USH2A: variants seen among roughly 807,000 people sequenced by gnomAD.
USH2A encodes the protein Usher syndrome 2A (autosomal recessive, mild).
A neutral mutation model predicts 538.9 loss-of-function variants in USH2A; 443 were observed. The observed-to-expected ratio is 0.82, with a 90% CI of 0.76 to 0.89. The LOEUF is 0.89. Among genes scored for constraint, USH2A ranks in the 40% least tolerant of loss-of-function variants. USH2A has a pLI of 0.00. For synonymous variants in USH2A, 2,413 were observed against 2,273.5 expected, an observed-to-expected ratio of 1.06 and a Z score of -1.75; for missense variants, 6,633 against 6,324.8, an observed-to-expected ratio of 1.05 and a Z score of -1.65.
chr1:216,040,253 C>G (rs1421800161), intron 32 of USH2A, among the ~76,000 whole-genome samples: 1 of 151,964 alleles, frequency 6.6e-6, no homozygotes, highest in East Asian at 1.9e-4. Context: ...TCAGATGATA[C>G]ATTTGAAAAC....
chr1:216,402,017 C>A (rs1324198165), intron 3 of USH2A, among the ~76,000 whole-genome samples: 3 of 152,080 alleles, frequency 2.0e-5, no homozygotes, highest in African/African-American at 4.8e-5. Context: ...AAAAGAAGTT[C>A]TTTAAATAGA....
At position 215,867,054 on chromosome 1, in the gene USH2A, G is replaced by T. The variant is rs780358747; in HGVS notation, c.8798C>A (p.Ala2933Glu). 1 of 1,614,142 alleles carries T rather than the reference G, an allele frequency of 6.2e-7. No homozygotes were observed. Among genetic ancestry groups the T allele is most frequent in the South Asian group, 1.1e-5 (1 of 91,086 alleles). The change falls in exon 44 of 72, where the codon GCG becomes GAG. Residue 2933 changes from alanine (A) to glutamate (E), a missense_variant. Transcript: ENST00000307340. ...GATGGCTGTGTGGTTAAGGACACTCGCAGTGAGATTGGCTCCTCTCTCTGG... is the reference window on the plus strand; with the variant it reads ...GATGGCTGTGTGGTTAAGGACACTCTCAGTGAGATTGGCTCCTCTCTCTGG... ...GLPERGANLT[A>E]SVLNHTAIDV...
At chr1:216,127,892 A>G (rs1270067669) in intron 21 of USH2A, among the ~76,000 whole-genome samples, 1 of 152,138 alleles carries the variant, frequency 6.6e-6, no homozygotes, top group Non-Finnish European at 1.5e-5. Context: ...TGCCAACCAG[A>G]TTTGCTATCT....
chr1:215,730,944 T>G (rs561124211), intron 60 of USH2A, among the ~76,000 whole-genome samples: 1 of 152,316 alleles, frequency 6.6e-6, no homozygotes, highest in Non-Finnish European at 1.5e-5. Context: ...GCAGGGCTCA[T>G]AGCCAAGGAC....
At chr1:215,869,962 A>C (rs1005880984) in intron 43 of USH2A, among the ~76,000 whole-genome samples, 4 of 152,194 alleles carry the variant, frequency 2.6e-5, no homozygotes, top group Non-Finnish European at 5.9e-5. Flanking sequence ...GCCTGTTTTC[A>C]AGGTGGTTCT....
intron 32 of USH2A, among the ~76,000 whole-genome samples, chr1:216,010,770 C>CT (rs1157268988): frequency 6.6e-6 from 1 of 151,758 alleles, no homozygotes; most frequent in Non-Finnish European, 1.5e-5. Flanking sequence ...GGCTGAGACA[C>CT]TTTAACTAAA....
intron 10 of USH2A, among the ~76,000 whole-genome samples, chr1:216,291,242 C>T (rs1005722587): frequency 6.6e-6 from 1 of 152,112 alleles, no homozygotes. Context: ...CAGCCATTTG[C>T]CCATCTTATG....
intron 30 of USH2A, among the ~76,000 whole-genome samples, chr1:216,056,588 A>T (rs2030982299): frequency 6.6e-6 from 1 of 152,216 alleles, no homozygotes; most frequent in Non-Finnish European, 1.5e-5. Flanking sequence ...AAAAACAATA[A>T]TAGCACACTT....
intron 33 of USH2A, 96 bp from the exon 34 acceptor site, chr1:215,999,154 CT>C (rs1462217403): frequency 3.7e-6 from 4 of 1,073,868 alleles, no homozygotes; most frequent in South Asian, 1.4e-5. Flanking sequence ...ATTTGTGACA[CT>C]TTTTTAAAAA....
chr1:215,637,376 A>G (rs938883169), intron 69 of USH2A, among the ~76,000 whole-genome samples: 16 of 152,232 alleles, frequency 1.1e-4, no homozygotes, highest in Admixed American at 3.3e-4. Context: ...AAACAAGCAC[A>G]TGAGGTGATT....
At chr1:215,804,331 A>T (rs1213921660) in intron 49 of USH2A, among the ~76,000 whole-genome samples, 1 of 152,092 alleles carries the variant, frequency 6.6e-6, no homozygotes, top group Non-Finnish European at 1.5e-5. Flanking sequence ...AAAAACTACC[A>T]TCAGAGTGAA....
intron 9 of USH2A, among the ~76,000 whole-genome samples, chr1:216,306,173 T>C (rs562390245): frequency 6.6e-6 from 1 of 152,162 alleles, no homozygotes; most frequent in African/African-American, 2.4e-5. Context: ...TCGTTTAACA[T>C]AATCCCAAAC....
At chr1:216,018,584 G>A (rs956177709) in intron 32 of USH2A, among the ~76,000 whole-genome samples, 1 of 152,128 alleles carries the variant, frequency 6.6e-6, no homozygotes, top group Non-Finnish European at 1.5e-5. Context: ...AGAGGCTAAA[G>A]CTCAGGACAA....
chr1:215,899,144 T>C (rs1270592807), intron 40 of USH2A, among the ~76,000 whole-genome samples: 1 of 152,142 alleles, frequency 6.6e-6, no homozygotes, highest in African/African-American at 2.4e-5. Flanking sequence ...ATTATAGAAA[T>C]AAAACAATAC....
intron 47 of USH2A, among the ~76,000 whole-genome samples, chr1:215,819,635 T>C (rs1473616661): frequency 6.6e-6 from 1 of 151,780 alleles, no homozygotes; most frequent in Non-Finnish European, 1.5e-5. Flanking sequence ...AAAGATTACA[T>C]TTAAGTGACA....
chr1:216,286,538 C>G (rs2036888784), intron 11 of USH2A, among the ~76,000 whole-genome samples: 1 of 151,958 alleles, frequency 6.6e-6, no homozygotes, highest in Non-Finnish European at 1.5e-5. Context: ...CATGGTGAAA[C>G]TCTGTCTCTA....
intron 2 of USH2A, among the ~76,000 whole-genome samples, chr1:216,420,155 GAA>G (rs1201843638): frequency 6.6e-6 from 1 of 151,866 alleles, no homozygotes; most frequent in African/African-American, 2.4e-5. Flanking sequence ...GTCTTAACCT[GAA>G]AAGAGTTTGC....
intron 32 of USH2A, among the ~76,000 whole-genome samples, chr1:216,004,475 G>A (rs748993127): frequency 2.6e-5 from 4 of 152,118 alleles, no homozygotes; most frequent in Admixed American, 6.5e-5. Flanking sequence ...TTAAAAATCG[G>A]CCATCGGGTA....
chr1:216,191,747 AAT>A (rs2034720938), intron 19 of USH2A, among the ~76,000 whole-genome samples: 1 of 151,970 alleles, frequency 6.6e-6, no homozygotes, highest in Non-Finnish European at 1.5e-5. Context: ...GGTAGATTTC[AAT>A]GTAAATTTTT....
Sources: gnomAD v4.1 joint callset for allele counts (sites outside exome capture counted in the v4.1 genomes callset) on GRCh38, gnomAD v4.1.1 for gene constraint, MANE v1.5 for transcripts, NCBI Gene and HGNC (gene_info 2026-07-23, HGNC 2026-07-21) for gene names.